Variants in BMPR1B observed in about 807,000 individuals in gnomAD.
BMPR1B encodes bone morphogenetic protein receptor type 1B.
In BMPR1B, 12 loss-of-function variants were observed where a neutral mutation model predicts 59.1. That is an observed-to-expected ratio of 0.20 (90% confidence interval 0.13 to 0.33). The LOEUF (loss-of-function observed/expected upper bound fraction) is 0.33. BMPR1B is among the 10% of genes least tolerant of loss of function. The pLI is 1.00. For missense variants in BMPR1B, 550 were observed against 610.9 expected, an observed-to-expected ratio of 0.90 and a Z score of 1.05; for synonymous variants, 237 against 207.3, an observed-to-expected ratio of 1.14 and a Z score of -1.23.
chr4:94,899,118 G>A (rs978645885), intron 2 of BMPR1B, among the ~76,000 whole-genome samples: 10 of 151,832 alleles, frequency 6.6e-5, no homozygotes, highest in Admixed American at 5.9e-4. Flanking sequence ...GGTTTGCATC[G>A]GTCTAGTCTC....
At chr4:95,136,986 C>T (rs563830073) in intron 10 of BMPR1B, among the ~76,000 whole-genome samples, 229 of 152,200 alleles carry the variant, frequency 1.5e-3, no homozygotes, top group African/African-American at 5.3e-3. Flanking sequence ...TTCTCTTGTT[C>T]TTTTAATTGT....
intron 3 of BMPR1B, 80 bp from the exon 4 acceptor site, chr4:95,104,323 AAATGT>A: frequency 1.4e-6 from 2 of 1,437,096 alleles, no homozygotes; most frequent in East Asian, 4.8e-5. Flanking sequence ...CTTCATTTTA[AAATGT>A]AATCTCATGT....
At chr4:94,940,261 C>T (rs914037279) in intron 2 of BMPR1B, among the ~76,000 whole-genome samples, 8 of 152,142 alleles carry the variant, frequency 5.3e-5, no homozygotes, top group African/African-American at 1.7e-4. Context: ...GCTTTGAATG[C>T]GGCCCAACAC....
At chr4:94,984,842 G>A (rs1334846570) in intron 2 of BMPR1B, among the ~76,000 whole-genome samples, 1 of 152,160 alleles carries the variant, frequency 6.6e-6, no homozygotes, top group Non-Finnish European at 1.5e-5. Context: ...TTCTAAGAAG[G>A]AGACAGCAAG....
At chr4:94,918,758 GGTTA>G (rs912767925) in intron 2 of BMPR1B, among the ~76,000 whole-genome samples, 161 of 150,798 alleles carry the variant, frequency 1.1e-3, no homozygotes, top group African/African-American at 3.5e-3. Context: ...AGCTATTTTT[GGTTA>G]GTTAATTCTC....
intron 1 of BMPR1B, among the ~76,000 whole-genome samples, chr4:94,789,325 A>G (rs909982228): frequency 7.2e-5 from 11 of 152,166 alleles, no homozygotes; most frequent in African/African-American, 2.7e-4. Context: ...AACTTCTAGT[A>G]TAGTTTTAAG....
At chr4:94,790,538 G>A (rs1166316436) in intron 1 of BMPR1B, among the ~76,000 whole-genome samples, 1 of 152,110 alleles carries the variant, frequency 6.6e-6, no homozygotes, top group Non-Finnish European at 1.5e-5. Context: ...TCTCAGCCCC[G>A]CCTAGATCTT....
At chr4:94,857,976 C>T (rs561161854) in intron 1 of BMPR1B, among the ~76,000 whole-genome samples, 383 of 152,198 alleles carry the variant, frequency 2.5e-3, no homozygotes, top group Middle Eastern at 0.01. Flanking sequence ...GACGGAGTCT[C>T]GCTCTGTCGC....
chr4:94,932,026 A>G (rs1464928427), intron 2 of BMPR1B, among the ~76,000 whole-genome samples: 2 of 152,162 alleles, frequency 1.3e-5, no homozygotes, highest in Non-Finnish European at 2.9e-5. Context: ...AAGGACTTTC[A>G]TGCCAGGAAG....
Position 95,035,819 on chromosome 4 carries a change from C to T in BMPR1B, c.-18+39685C>T, listed in dbSNP as rs190809693. 3.6e-3 allele frequency among the ~76,000 whole-genome samples: 543 copies of T among 152,066 alleles called. 3 individuals are homozygous for T. Among genetic ancestry groups the T allele is most frequent in the African/African-American group, 0.012 (484 of 41,492 alleles). The stretch of plus-strand genomic sequence containing the variant: ...TTGTTTTTTCTAGTTCTGTGAAGAA[C>T]GATGATGATATTTGGATGGGAATTA... On this transcript the variant is annotated intron_variant, in intron 3 of 12. Coordinates refer to ENST00000515059, the MANE Select transcript of BMPR1B (RefSeq NM_001203.3).
At chr4:95,087,832 T>C (rs1729700382) in intron 3 of BMPR1B, among the ~76,000 whole-genome samples, 1 of 152,168 alleles carries the variant, frequency 6.6e-6, no homozygotes, top group Non-Finnish European at 1.5e-5. Context: ...AACTTCACCT[T>C]TTGCTCAGTG....
chr4:94,857,433 A>G, intron 1 of BMPR1B, among the ~76,000 whole-genome samples: 1 of 152,214 alleles, frequency 6.6e-6, no homozygotes, highest in Middle Eastern at 3.2e-3. Context: ...ATATAAAATG[A>G]CAACAGAATT....
chr4:94,822,821 A>G (rs1267952165), intron 1 of BMPR1B, among the ~76,000 whole-genome samples: 5 of 152,166 alleles, frequency 3.3e-5, no homozygotes, highest in Admixed American at 2.0e-4. Flanking sequence ...AGGTTACCTC[A>G]TATCTGCCAA....
intron 3 of BMPR1B, among the ~76,000 whole-genome samples, chr4:95,016,021 A>G (rs753205415): frequency 2.6e-5 from 4 of 152,200 alleles, no homozygotes; most frequent in Non-Finnish European, 5.9e-5. Context: ...AATATGACAG[A>G]CAGACAAACT....
intron 3 of BMPR1B, among the ~76,000 whole-genome samples, chr4:95,061,715 T>C (rs1233736605): frequency 6.6e-6 from 1 of 152,186 alleles, no homozygotes; most frequent in African/African-American, 2.4e-5. Flanking sequence ...TCTAGTTCTT[T>C]AGGAATTACT....
intron 1 of BMPR1B, among the ~76,000 whole-genome samples, chr4:94,795,519 C>A (rs906759230): frequency 3.9e-5 from 6 of 151,992 alleles, no homozygotes; most frequent in Non-Finnish European, 8.8e-5. Flanking sequence ...GGTTGGAGTG[C>A]AGTGGCGTGA....
chr4:94,762,664 G>A (rs1175298237), intron 1 of BMPR1B, among the ~76,000 whole-genome samples: 3 of 152,180 alleles, frequency 2.0e-5, no homozygotes, highest in Admixed American at 2.0e-4. Context: ...TTTAAACAGA[G>A]AAGTGAACAA....
At chr4:95,036,806 T>C (rs1217511361) in intron 3 of BMPR1B, among the ~76,000 whole-genome samples, 2 of 151,998 alleles carry the variant, frequency 1.3e-5, no homozygotes, top group Admixed American at 6.6e-5. Context: ...CTGTTTTCTG[T>C]AGTGGTTGTA....
chr4:94,836,064 C>G (rs1409410852), intron 1 of BMPR1B, among the ~76,000 whole-genome samples: 2 of 148,722 alleles, frequency 1.3e-5, no homozygotes. Flanking sequence ...CCAATTTCAT[C>G]CATGTCCCTA....
Sources: allele counts gnomAD v4.1 joint callset (sites outside exome capture counted in the v4.1 genomes callset), GRCh38; gene constraint gnomAD v4.1.1; transcripts MANE v1.5; gene names NCBI Gene and HGNC (gene_info 2026-07-23, HGNC 2026-07-21).